CTNNA3: variants seen among roughly 807,000 people sequenced by gnomAD.
CTNNA3 encodes catenin alpha 3.
CTNNA3 carries 76 observed loss-of-function variants against 95.7 expected under a neutral mutation model. That is an observed-to-expected ratio of 0.79 (90% CI 0.66 to 0.96). The LOEUF is 0.96. CTNNA3 is among the 40% of genes least tolerant of loss of function. CTNNA3 has a pLI of 0.00. For synonymous variants in CTNNA3, 431 were observed against 374.4 expected (o/e 1.15, Z -1.74); for missense variants, 1,191 against 1,089.8 (o/e 1.09, Z -1.31).
intron 5 of CTNNA3, among the ~76,000 whole-genome samples, chr10:67,463,623 G>A (rs1484939098): frequency 2.0e-5 from 3 of 152,126 alleles, no homozygotes; most frequent in Non-Finnish European, 4.4e-5. Flanking sequence ...TTTTCTGGGA[G>A]CCTTTTGTTA....
intron 7 of CTNNA3, among the ~76,000 whole-genome samples, chr10:66,899,403 G>C (rs2132518863): frequency 6.6e-6 from 1 of 152,264 alleles, no homozygotes; most frequent in Non-Finnish European, 1.5e-5. Context: ...TTTCCAAGAT[G>C]GCCAAATAGG....
intron 1 of CTNNA3, among the ~76,000 whole-genome samples, chr10:67,747,693 T>A (rs1488370344): frequency 1.4e-4 from 21 of 152,034 alleles, no homozygotes; most frequent in Non-Finnish European, 1.3e-4. Flanking sequence ...AAAGCCAGAG[T>A]GCCTCTTCTC....
chr10:66,426,044 T>G (rs1209382712), intron 11 of CTNNA3, among the ~76,000 whole-genome samples: 1 of 152,154 alleles, frequency 6.6e-6, no homozygotes, highest in African/African-American at 2.4e-5. Context: ...GAGAATAATT[T>G]GTATCATATG....
At chr10:66,169,722 G>A (rs1589622261) in intron 13 of CTNNA3, among the ~76,000 whole-genome samples, 2 of 152,268 alleles carry the variant, frequency 1.3e-5, no homozygotes, top group South Asian at 4.1e-4. Context: ...ATTCTTGCAG[G>A]AGTAAGATGG....
At chr10:67,735,413 G>A (rs1197289176) in intron 1 of CTNNA3, among the ~76,000 whole-genome samples, 2 of 152,002 alleles carry the variant, frequency 1.3e-5, no homozygotes, top group Admixed American at 1.3e-4. Flanking sequence ...TAATAACCAT[G>A]ATGACAGAAC....
chr10:65,993,060 CT>C (rs1307260247), intron 15 of CTNNA3, among the ~76,000 whole-genome samples: 33 of 152,118 alleles, frequency 2.2e-4, no homozygotes, highest in Admixed American at 1.6e-3. Flanking sequence ...CAAAATTCCT[CT>C]TTTTACTCAT....
At chr10:66,255,557 A>G (rs554723396) in intron 13 of CTNNA3, among the ~76,000 whole-genome samples, 1 of 152,002 alleles carries the variant, frequency 6.6e-6, no homozygotes, top group South Asian at 2.1e-4. Flanking sequence ...TGATCCTTCC[A>G]TTTGCCTCTC....
intron 12 of CTNNA3, among the ~76,000 whole-genome samples, chr10:66,296,054 CA>C (rs2091772487): frequency 6.6e-6 from 1 of 151,758 alleles, no homozygotes; most frequent in African/African-American, 2.4e-5. Flanking sequence ...TAAGCAAAAT[CA>C]AAACCAAGAC....
chr10:66,747,876 A>G (rs1838952425), intron 9 of CTNNA3, among the ~76,000 whole-genome samples: 1 of 152,210 alleles, frequency 6.6e-6, no homozygotes, highest in African/African-American at 2.4e-5. Context: ...AAAAAGGTTT[A>G]TAACAATCAT....
chr10:67,417,115 TA>T (rs903060219), intron 5 of CTNNA3, among the ~76,000 whole-genome samples: 14 of 150,998 alleles, frequency 9.3e-5, no homozygotes, highest in East Asian at 5.8e-4. Context: ...TGTGTAGCCA[TA>T]AAAAAAAATG....
intron 5 of CTNNA3, among the ~76,000 whole-genome samples, chr10:67,368,415 T>C (rs1261220859): frequency 6.6e-6 from 1 of 152,188 alleles, no homozygotes; most frequent in Non-Finnish European, 1.5e-5. Context: ...ATAGTGGGAA[T>C]GTAAAATGGC....
At chr10:66,767,467 A>AAAC (rs1839916137) in intron 8 of CTNNA3, among the ~76,000 whole-genome samples, 1 of 151,556 alleles carries the variant, frequency 6.6e-6, no homozygotes, top group African/African-American at 2.4e-5. Flanking sequence ...AAAAAAAAAA[A>AAAC]AATCATAATA....
rs80335052 is a variant in CTNNA3, at chr10:66,905,831, G to C, written c.1048-130307C>G. Among the ~76,000 whole-genome samples, 8 of 152,234 alleles carry C rather than the reference G, an allele frequency of 5.3e-5. No homozygotes were observed. The East Asian group carries it at 1.5e-3, about 29-fold the overall frequency. ...AAATGGTGGTTGCCAGGCATTGGGTGAGGAGGAAAGAGAAAATTGCTTTTT... is the reference window on the plus strand; with the variant it reads ...AAATGGTGGTTGCCAGGCATTGGGTCAGGAGGAAAGAGAAAATTGCTTTTT... On this transcript the variant is annotated intron_variant, in intron 7 of 17. Transcript: ENST00000433211.
At chr10:66,521,028 A>C (rs1333222321) in intron 10 of CTNNA3, among the ~76,000 whole-genome samples, 1 of 151,500 alleles carries the variant, frequency 6.6e-6, no homozygotes, top group African/African-American at 2.4e-5. Context: ...ACATTTACTC[A>C]GTGATTTATT....
chr10:66,332,880 T>A (rs892322713), intron 12 of CTNNA3, among the ~76,000 whole-genome samples: 1 of 152,158 alleles, frequency 6.6e-6, no homozygotes, highest in African/African-American at 2.4e-5. Flanking sequence ...GTTGGTAAGC[T>A]ATTAATTATT....
At chr10:66,430,207 G>A (rs539980369) in intron 11 of CTNNA3, among the ~76,000 whole-genome samples, 139 of 151,302 alleles carry the variant, frequency 9.2e-4, no homozygotes, top group African/African-American at 3.2e-3. Context: ...GGATGTGAAG[G>A]ACCTCTTCAA....
chr10:67,237,322 G>C (rs1865532151), intron 5 of CTNNA3, among the ~76,000 whole-genome samples: 2 of 151,260 alleles, frequency 1.3e-5, no homozygotes, highest in Admixed American at 1.3e-4. Flanking sequence ...ATATGTGGGA[G>C]CTAAGCTATG....
At chr10:67,639,384 A>C (rs750512702) in intron 2 of CTNNA3, among the ~76,000 whole-genome samples, 7 of 152,222 alleles carry the variant, frequency 4.6e-5, no homozygotes, top group Non-Finnish European at 1.0e-4. Flanking sequence ...AACCAAAAAA[A>C]GTCCAGGACC....
chr10:66,882,694 G>A (rs1844895025), intron 7 of CTNNA3, among the ~76,000 whole-genome samples: 1 of 152,064 alleles, frequency 6.6e-6, no homozygotes, highest in South Asian at 2.1e-4. Context: ...AGGAGAGTTT[G>A]GGGTTTGAGC....
Sources: gnomAD v4.1 joint callset for allele counts (sites outside exome capture counted in the v4.1 genomes callset) on GRCh38, gnomAD v4.1.1 for gene constraint, MANE v1.5 for transcripts, NCBI Gene and HGNC (gene_info 2026-07-23, HGNC 2026-07-21) for gene names.